The following COL19A1 variants were observed in gnomAD, a reference collection of about 807,000 sequenced individuals.
The protein encoded by COL19A1 is collagen type XIX alpha 1 chain, also known as collagen alpha-1(XIX) chain.
In COL19A1, 159 loss-of-function variants were observed where a neutral mutation model predicts 190.2. That is an observed-to-expected ratio of 0.84 (90% confidence interval 0.73 to 0.95). COL19A1 has a LOEUF of 0.95. COL19A1 is among the 40% of genes least tolerant of loss of function. The pLI is 0.00. For missense variants in COL19A1, 1,418 were observed against 1,431.9 expected, an observed-to-expected ratio of 0.99 and a Z score of 0.16; for synonymous variants, 509 against 458.9, an observed-to-expected ratio of 1.11 and a Z score of -1.39.
rs192553240 is a variant in COL19A1 at position 69,884,918 on chromosome 6, G to A, written c.91+5260G>A. On this transcript the variant is annotated intron_variant, in intron 2 of 50. Coordinates refer to ENST00000620364, the MANE Select transcript of COL19A1 (RefSeq NM_001858.6). ...GTTGCCCAAGCTGGAGTGCAGTGGCGCGATCTTGGCTCACTGCAACCTCCA... is the reference window on the plus strand; with the variant it reads ...GTTGCCCAAGCTGGAGTGCAGTGGCACGATCTTGGCTCACTGCAACCTCCA... 3.8e-3 allele frequency among the ~76,000 whole-genome samples: 565 copies of A among 150,466 alleles called. 3 individuals are homozygous for A. Among genetic ancestry groups the A allele is most frequent in the African/African-American group, 0.012 (478 of 40,930 alleles).
intron 1 of COL19A1, among the ~76,000 whole-genome samples, chr6:69,870,492 G>A (rs933630737): frequency 6.6e-6 from 1 of 152,208 alleles, no homozygotes; most frequent in Non-Finnish European, 1.5e-5. Flanking sequence ...GAGAGGATTG[G>A]AAGGACTTTC....
chr6:69,912,200 G>A (rs531391841), intron 4 of COL19A1, among the ~76,000 whole-genome samples: 2 of 152,134 alleles, frequency 1.3e-5, no homozygotes, highest in African/African-American at 4.8e-5. Context: ...CCTCACTAAT[G>A]TCCTTCAAGT....
intron 15 of COL19A1, among the ~76,000 whole-genome samples, chr6:70,080,811 A>G (rs1191350107): frequency 6.6e-6 from 1 of 152,176 alleles, no homozygotes; most frequent in African/African-American, 2.4e-5. Flanking sequence ...TACCATATGA[A>G]GAGTCCTGCC....
intron 11 of COL19A1, among the ~76,000 whole-genome samples, chr6:70,019,812 A>C (rs139064655): frequency 1.3e-5 from 2 of 152,238 alleles, no homozygotes; most frequent in Non-Finnish European, 2.9e-5. Flanking sequence ...CTCTGATGTC[A>C]AATAAGTTTT....
At chr6:69,985,183 G>T (rs1005339276) in intron 11 of COL19A1, among the ~76,000 whole-genome samples, 1 of 152,112 alleles carries the variant, frequency 6.6e-6, no homozygotes, top group African/African-American at 2.4e-5. Flanking sequence ...GTTAAAAATG[G>T]CATTCAATAT....
At chr6:70,194,366 G>T (rs749155596) in intron 48 of COL19A1, among the ~76,000 whole-genome samples, 1 of 152,074 alleles carries the variant, frequency 6.6e-6, no homozygotes, top group African/African-American at 2.4e-5. Flanking sequence ...CTCAAACCTT[G>T]ATCTATTTTC....
intron 46 of COL19A1, 144 bp downstream of exon 46, chr6:70,185,059 A>G (rs1766422185): frequency 2.8e-6 from 2 of 723,498 alleles, no homozygotes; most frequent in Non-Finnish European, 4.3e-6. Flanking sequence ...GATCTCTACC[A>G]GACATTAAAT....
chr6:69,882,129 G>A (rs760787945), intron 2 of COL19A1, among the ~76,000 whole-genome samples: 42 of 152,320 alleles, frequency 2.8e-4, no homozygotes, highest in Middle Eastern at 6.8e-3. Flanking sequence ...ATATATGACA[G>A]ATAGATTGGA....
At chr6:70,090,759 C>T (rs1038368173) in intron 15 of COL19A1, among the ~76,000 whole-genome samples, 4 of 152,146 alleles carry the variant, frequency 2.6e-5, no homozygotes, top group African/African-American at 7.2e-5. Flanking sequence ...AAACTCCTAA[C>T]GGCTTCACAT....
At position 70,209,726 on chromosome 6, in the gene COL19A1, T is replaced by G. The variant is rs921733636; in HGVS notation, c.*2452T>G. 1 of 152,176 alleles carries G rather than the reference T, an allele frequency of 6.6e-6. No individual in the cohort carries two copies. Among genetic ancestry groups the G allele is most frequent in the African/African-American group, 2.4e-5 (1 of 41,448 alleles). 9.4% of individuals were successfully genotyped at this position (152,176 alleles called of 1,614,324 possible). A position where few individuals can be genotyped will look rare whatever the true frequency, so the allele number is the denominator to read the frequency against. ...CTGGGAAATATGACTAAATTTGACG[T>G]AACTAGAGAAACAAGGCTGTATCCA... On this transcript the variant is annotated 3_prime_UTR_variant, in exon 51 of 51. Transcript: ENST00000620364.
chr6:70,191,027 G>A (rs609454), intron 48 of COL19A1, among the ~76,000 whole-genome samples: 17,639 of 152,002 alleles, frequency 0.12, 2,495 homozygotes, highest in African/African-American at 0.33. Flanking sequence ...ACATTCCTTC[G>A]CCTCTTTTCT....
intron 49 of COL19A1, among the ~76,000 whole-genome samples, chr6:70,202,596 G>T (rs1767620473): frequency 6.6e-6 from 1 of 152,096 alleles, no homozygotes; most frequent in African/African-American, 2.4e-5. Flanking sequence ...GTATAAAGGG[G>T]TTTCATAAGG....
chr6:70,040,167 T>A (rs2150122329), intron 14 of COL19A1, among the ~76,000 whole-genome samples: 1 of 152,300 alleles, frequency 6.6e-6, no homozygotes, highest in South Asian at 2.1e-4. Context: ...TCAAAAAAAA[T>A]CTGATATGTA....
chr6:70,194,708 A>G (rs1439993708), intron 48 of COL19A1, among the ~76,000 whole-genome samples: 1 of 152,134 alleles, frequency 6.6e-6, no homozygotes, highest in African/African-American at 2.4e-5. Context: ...TCTTGCTATT[A>G]CACTGTCCTA....
At chr6:70,070,314 T>C (rs1781472604) in intron 15 of COL19A1, among the ~76,000 whole-genome samples, 1 of 152,156 alleles carries the variant, frequency 6.6e-6, no homozygotes, top group Non-Finnish European at 1.5e-5. Flanking sequence ...ATCAGTTAAA[T>C]TGTAAAGTTC....
intron 48 of COL19A1, among the ~76,000 whole-genome samples, chr6:70,197,144 G>A (rs2150304083): frequency 6.6e-6 from 1 of 152,014 alleles, no homozygotes; most frequent in East Asian, 1.9e-4. Flanking sequence ...ATTGTGACCG[G>A]TCTCAGTGGC....
intron 11 of COL19A1, among the ~76,000 whole-genome samples, chr6:70,019,896 A>T (rs1778324074): frequency 6.6e-6 from 1 of 152,062 alleles, no homozygotes; most frequent in South Asian, 2.1e-4. Context: ...AGAAAAAAGG[A>T]ACAGCTGGTT....
intron 9 of COL19A1, among the ~76,000 whole-genome samples, chr6:69,939,013 A>G (rs76374562): frequency 0.018 from 2,805 of 152,212 alleles, 109 homozygotes; most frequent in African/African-American, 0.064. Flanking sequence ...CTTTAAAAAG[A>G]CAGGAGACGG....
rs529287604 is a variant in COL19A1 at position 69,959,890 on chromosome 6, G to C, written c.937-106G>C. 1.3e-4 allele frequency: 122 copies of C among 923,866 alleles called. 1 individual carries two copies. Among genetic ancestry groups the C allele is most frequent in the Middle Eastern group, 5.1e-4 (2 of 3,934 alleles). The allele number at this position is 923,866 out of a possible 1,614,324, so 57.2% of individuals were successfully genotyped here. On this transcript the variant is annotated intron_variant, in intron 9 of 50. Transcript: ENST00000620364. ...TATGCATGATAGATATTCAGTATTA[G>C]GCTACCTTTCCCCACAACACTAGAG...
Sources: gnomAD v4.1 joint callset for allele counts (sites outside exome capture counted in the v4.1 genomes callset) on GRCh38, gnomAD v4.1.1 for gene constraint, MANE v1.5 for transcripts, NCBI Gene and HGNC (gene_info 2026-07-23, HGNC 2026-07-21) for gene names.